Variants in TDRD9 observed in about 807,000 individuals in gnomAD.
TDRD9 encodes the protein ATP-dependent RNA helicase TDRD9.
A neutral mutation model predicts 172.6 loss-of-function variants in TDRD9; 124 were observed. That is an observed-to-expected ratio of 0.72 (90% CI 0.62 to 0.83). The LOEUF (loss-of-function observed/expected upper bound fraction) is 0.83. Among genes scored for constraint, TDRD9 ranks in the 40% least tolerant of loss-of-function variants. The pLI is 0.00. For synonymous variants in TDRD9, 619 were observed against 617.1 expected, an observed-to-expected ratio of 1.00 and a Z score of -0.05; for missense variants, 1,479 against 1,714.1, an observed-to-expected ratio of 0.86 and a Z score of 2.42.
At chr14:104,050,216 G>A (rs1481682782) in intron 35 of TDRD9, among the ~76,000 whole-genome samples, 3 of 152,204 alleles carry the variant, frequency 2.0e-5, no homozygotes, top group Non-Finnish European at 4.4e-5. Flanking sequence ...CCTTCTCACT[G>A]TGCCCTCACG....
At chr14:103,953,459 G>C (rs1032919337) in intron 1 of TDRD9, among the ~76,000 whole-genome samples, 2 of 152,052 alleles carry the variant, frequency 1.3e-5, no homozygotes, top group Admixed American at 6.5e-5. Context: ...AAGTGTATTA[G>C]ACAGGATTCT....
rs1462061992 is a variant in TDRD9 at position 103,980,836 on chromosome 14, T to G, written c.1011+5283T>G. ...AGACCAAGGAGCCCTCTGGTGGCCC[T>G]GTCCGGGCATAACAGAAGGCTCGCA... On this transcript the variant is annotated intron_variant, in intron 7 of 35. Transcript: ENST00000409874. The surrounding 1 kb of genome is among the most constrained non-coding windows in gnomAD (Gnocchi z 4.5). 3.3e-5 allele frequency among the ~76,000 whole-genome samples: 5 copies of G among 152,202 alleles called. No individual in the cohort carries two copies. The highest frequency in any genetic ancestry group is 3.3e-4 in the Admixed American group (5 of 15,280).
At chr14:103,963,490 G>C (rs2032604440) in intron 3 of TDRD9, among the ~76,000 whole-genome samples, 2 of 152,104 alleles carry the variant, frequency 1.3e-5, no homozygotes, top group Non-Finnish European at 2.9e-5. Context: ...GTCTTCCCCA[G>C]GAGAGCTTCT....
intron 1 of TDRD9, chr14:103,941,492 C>T: frequency 6.5e-7 from 1 of 1,535,144 alleles, no homozygotes; most frequent in South Asian, 1.2e-5. Flanking sequence ...TGTGGGGATT[C>T]TGGTAGTTTC....
intron 34 of TDRD9, among the ~76,000 whole-genome samples, chr14:104,044,292 G>T (rs2035699683): frequency 6.6e-6 from 1 of 152,180 alleles, no homozygotes; most frequent in Admixed American, 6.5e-5. Flanking sequence ...GCAGGCAGCA[G>T]ATGCCACCTG....
chr14:103,954,878 C>T (rs557856084), intron 1 of TDRD9, among the ~76,000 whole-genome samples: 3 of 151,922 alleles, frequency 2.0e-5, no homozygotes, highest in Admixed American at 2.0e-4. Flanking sequence ...ATCCGCCCGC[C>T]TTGGTCTCCC....
At chr14:103,965,250 A>G in intron 3 of TDRD9, 83 bp from the exon 4 acceptor site, 12 of 1,325,510 alleles carry the variant, frequency 9.1e-6, no homozygotes, top group Non-Finnish European at 1.2e-5. Flanking sequence ...AAAGAAAAAT[A>G]AATCCTGAAA....
intron 1 of TDRD9, among the ~76,000 whole-genome samples, chr14:103,950,302 C>G (rs2031805750): frequency 6.8e-6 from 1 of 147,966 alleles, no homozygotes; most frequent in Non-Finnish European, 1.5e-5. Flanking sequence ...GTTGGTTAGG[C>G]TGGGCTTGAA....
chr14:103,965,539 T>C lies in TDRD9; in HGVS notation c.627T>C (p.Gly209=), dbSNP rs1262942170. 1.9e-6 allele frequency: 3 copies of C among 1,544,260 alleles called. No homozygotes were observed. Among genetic ancestry groups the C allele is most frequent in the African/African-American group, 2.8e-5 (2 of 71,836 alleles). The change falls in exon 4 of 36, where the codon GGT becomes GGC. Residue 209 remains glycine, a synonymous_variant. Coordinates refer to ENST00000409874, the MANE Select transcript of TDRD9 (RefSeq NM_153046.3). ...ISKERAWTLG[G]VVGYQVGLEK... ...AAGAGCGTGCCTGGACCCTGGGAGG[T>C]GTGGTGGGCTACCAGGTGAGACTGG...
chr14:103,967,673 A>G (rs145709134), intron 5 of TDRD9, among the ~76,000 whole-genome samples: 3 of 152,324 alleles, frequency 2.0e-5, no homozygotes, highest in Non-Finnish European at 4.4e-5. Flanking sequence ...TCTTATGTAC[A>G]GGCACTTGGT....
intron 2 of TDRD9, among the ~76,000 whole-genome samples, chr14:103,959,454 T>TGTGTG (rs1566740472): frequency 1.6e-5 from 1 of 63,002 alleles, no homozygotes; most frequent in Non-Finnish European, 3.4e-5. Flanking sequence ...GGTCAGGTTA[T>TGTGTG]CGTGTGTGTG....
chr14:104,051,875 A>G, intron 35 of TDRD9, 106 bp from the exon 36 acceptor site: 1 of 632,780 alleles, frequency 1.6e-6, no homozygotes, highest in African/African-American at 1.8e-5. Context: ...ATATTTTTGG[A>G]GAACTGAATT....
intron 5 of TDRD9, among the ~76,000 whole-genome samples, chr14:103,969,567 G>A (rs2032928633): frequency 6.6e-6 from 1 of 152,144 alleles, no homozygotes; most frequent in Non-Finnish European, 1.5e-5. Context: ...ATCTCCTTCA[G>A]TGGGAAGTTC....
At chr14:103,947,052 G>A (rs1344100814) in intron 1 of TDRD9, among the ~76,000 whole-genome samples, 1 of 151,930 alleles carries the variant, frequency 6.6e-6, no homozygotes, top group African/African-American at 2.4e-5. Flanking sequence ...AAATTCATAT[G>A]GAATGTCAAG....
At chr14:104,031,491 T>TC (rs2035280731) in intron 29 of TDRD9, among the ~76,000 whole-genome samples, 1 of 150,544 alleles carries the variant, frequency 6.6e-6, no homozygotes, top group African/African-American at 2.4e-5. Context: ...TTTTTTTTTT[T>TC]TAAACCCTCC....
chr14:104,042,220 TC>T, intron 34 of TDRD9, 33 bp downstream of exon 34: 1 of 1,452,062 alleles, frequency 6.9e-7, no homozygotes, highest in Non-Finnish European at 9.7e-7. Context: ...CTTCTTTTCT[TC>T]CCAGTCAACT....
intron 6 of TDRD9, among the ~76,000 whole-genome samples, chr14:103,972,173 G>GGC (rs2033062100): frequency 3.9e-5 from 6 of 152,092 alleles, no homozygotes; most frequent in African/African-American, 1.4e-4. Flanking sequence ...CGGGCGTGGT[G>GGC]GCGGGCGCCT....
intron 1 of TDRD9, among the ~76,000 whole-genome samples, chr14:103,936,151 G>A (rs970680617): frequency 2.0e-5 from 3 of 152,116 alleles, no homozygotes; most frequent in African/African-American, 7.2e-5. Flanking sequence ...GCACAATAAC[G>A]TTTCACTGCA....
chr14:104,020,169 G>T (rs1447480404), intron 23 of TDRD9, among the ~76,000 whole-genome samples: 1 of 152,224 alleles, frequency 6.6e-6, no homozygotes, highest in Non-Finnish European at 1.5e-5. Flanking sequence ...ACATGACTAG[G>T]TGGGCACTTG....
Sources: allele counts gnomAD v4.1 joint callset (sites outside exome capture counted in the v4.1 genomes callset), GRCh38; gene constraint gnomAD v4.1.1; non-coding constraint Gnocchi (gnomAD v3.1); transcripts MANE v1.5; gene names NCBI Gene and HGNC (gene_info 2026-07-23, HGNC 2026-07-21).